The following NLRP1 variants were observed in gnomAD, a reference collection of about 807,000 sequenced individuals.
NLRP1 encodes NLR family pyrin domain containing 1.
In NLRP1, 94 loss-of-function variants were observed where a neutral mutation model predicts 136.7. The observed-to-expected ratio is 0.69, with a 90% CI of 0.58 to 0.82. The LOEUF is 0.82. NLRP1 is among the 40% of genes least tolerant of loss of function. The pLI, the probability that NLRP1 is intolerant of heterozygous loss-of-function variation, is 0.00. For missense variants in NLRP1, 1,575 were observed against 1,802.7 expected (o/e 0.87, Z 2.29); for synonymous variants, 690 against 725.1 (o/e 0.95, Z 0.78).
intron 14 of NLRP1, among the ~76,000 whole-genome samples, chr17:5,518,909 G>A (rs558705746): frequency 1.3e-4 from 19 of 150,470 alleles, no homozygotes; most frequent in Admixed American, 7.9e-4. Flanking sequence ...CACGATCTCG[G>A]CTCACTGCAA....
At chr17:5,542,194 T>C (rs1325738044) in intron 5 of NLRP1, among the ~76,000 whole-genome samples, 167 bp from the exon 6 acceptor site, 3 of 149,846 alleles carry the variant, frequency 2.0e-5, no homozygotes, top group Non-Finnish European at 2.9e-5. Flanking sequence ...GGGATAGACA[T>C]AGAAACACAT....
chr17:5,531,667 G>A (rs1267718572), intron 11 of NLRP1, among the ~76,000 whole-genome samples: 2 of 152,182 alleles, frequency 1.3e-5, no homozygotes, highest in Admixed American at 6.5e-5. Flanking sequence ...GAGTGACGCT[G>A]TCTCCTGGTT....
intron 3 of NLRP1, among the ~76,000 whole-genome samples, chr17:5,576,093 A>G (rs1331820377): frequency 6.6e-6 from 1 of 152,234 alleles, no homozygotes. Context: ...CAAAGACACA[A>G]CATACCAGAA....
At chr17:5,523,378 C>T (rs1016138574) in intron 12 of NLRP1, among the ~76,000 whole-genome samples, 1 of 152,150 alleles carries the variant, frequency 6.6e-6, no homozygotes, top group Non-Finnish European at 1.5e-5. Context: ...CAGTAGCTGT[C>T]TCCGTATTTT....
intron 12 of NLRP1, chr17:5,529,857 G>T: frequency 2.6e-6 from 1 of 384,436 alleles, no homozygotes; most frequent in Non-Finnish European, 5.1e-6. Flanking sequence ...GGTATCTGTC[G>T]TTTCTGCTGG....
downstream of NLRP1, chr17:5,512,386 C>A (rs752581497): frequency 9.2e-7 from 1 of 1,091,908 alleles, no homozygotes; most frequent in Non-Finnish European, 1.4e-6. Context: ...ACACTTGTAA[C>A]ATCTTCTAGT....
rs1487201547 is a variant in NLRP1 at position 5,559,801 on chromosome 17, T to A, written c.895A>T (p.Ser299Cys). Residue 299 changes from serine to cysteine, a missense_variant, in exon 4 of 17, where the codon AGC becomes TGC. Coordinates refer to ENST00000572272, the MANE Select transcript of NLRP1 (RefSeq NM_033004.4). ...TTCTCCTCCACATAATCAGGCCAGCTTCTCTTGACCAGGGGATCTTGGCTT... is the reference window on the plus strand; with the variant it reads ...TTCTCCTCCACATAATCAGGCCAGCATCTCTTGACCAGGGGATCTTGGCTT... ...PRSQDPLVKR[S>C]WPDYVEENRG... 1 of 1,614,152 alleles carries A rather than the reference T, an allele frequency of 6.2e-7. No individual in the cohort carries two copies. Among genetic ancestry groups the A allele is most frequent in the Non-Finnish European group, 8.5e-7 (1 of 1,180,056 alleles).
At chr17:5,521,048 T>A (rs1908834576) in intron 13 of NLRP1, 36 bp from the exon 14 acceptor site, 1 of 1,563,940 alleles carries the variant, frequency 6.4e-7, no homozygotes, top group Non-Finnish European at 8.7e-7. Context: ...AAGGGAGGCT[T>A]CTGCCCCGTG....
chr17:5,557,839 C>T (rs570437080), intron 4 of NLRP1, among the ~76,000 whole-genome samples: 1 of 152,222 alleles, frequency 6.6e-6, no homozygotes, highest in East Asian at 1.9e-4. Flanking sequence ...GTCAGTTTTG[C>T]AGGGAAAAAT....
chr17:5,517,038 G>A (rs1398330518), intron 15 of NLRP1, among the ~76,000 whole-genome samples: 5 of 152,180 alleles, frequency 3.3e-5, no homozygotes, highest in African/African-American at 7.2e-5. Context: ...CGATACAGGG[G>A]AGAGTATCTG....
At chr17:5,509,576 C>G (rs1174907241), downstream of NLRP1, among the ~76,000 whole-genome samples, 3 of 152,144 alleles carry the variant, frequency 2.0e-5, no homozygotes, top group African/African-American at 4.8e-5. Flanking sequence ...ATGATTCTTC[C>G]GTTTTTCTGA....
At chr17:5,544,986 G>A (rs1351414491) in intron 5 of NLRP1, among the ~76,000 whole-genome samples, 1 of 152,044 alleles carries the variant, frequency 6.6e-6, no homozygotes, top group Admixed American at 6.6e-5. Flanking sequence ...GGCTGAAGGT[G>A]GGGCCTGGTT....
intron 3 of NLRP1, among the ~76,000 whole-genome samples, chr17:5,566,256 T>C (rs1314110483): frequency 1.3e-5 from 2 of 152,066 alleles, no homozygotes; most frequent in African/African-American, 4.8e-5. Context: ...AGATGCATCA[T>C]TAGATTGTTT....
At chr17:5,560,089 G>A (rs1567662864) in intron 3 of NLRP1, 46 bp from the exon 4 acceptor site, 8 of 1,457,660 alleles carry the variant, frequency 5.5e-6, no homozygotes, top group Non-Finnish European at 7.3e-6. Context: ...GAGAATAGAA[G>A]AATTAATTAA....
intron 5 of NLRP1, among the ~76,000 whole-genome samples, chr17:5,547,345 A>G (rs1408552192): frequency 1.3e-5 from 2 of 152,220 alleles, no homozygotes; most frequent in Non-Finnish European, 2.9e-5. Context: ...TGTGCAACAG[A>G]CATGGTGAAT....
intron 3 of NLRP1, among the ~76,000 whole-genome samples, chr17:5,571,014 TG>T (rs1173430362): frequency 1.3e-5 from 2 of 152,130 alleles, no homozygotes; most frequent in Non-Finnish European, 2.9e-5. Flanking sequence ...AGCCCCCACA[TG>T]ATCATCTCAA....
chr17:5,563,283 T>C (rs777633750), intron 3 of NLRP1, among the ~76,000 whole-genome samples: 11 of 152,132 alleles, frequency 7.2e-5, no homozygotes, highest in Non-Finnish European at 1.2e-4. Context: ...CTGAAATGGC[T>C]GAAATGACAG....
intron 15 of NLRP1, among the ~76,000 whole-genome samples, chr17:5,506,325 C>T (rs1029005798): frequency 6.6e-6 from 1 of 151,000 alleles, no homozygotes; most frequent in African/African-American, 2.4e-5. Flanking sequence ...AATTCAGCAA[C>T]ATCATTCTTC....
chr17:5,563,330 T>C (rs35318808), intron 3 of NLRP1, among the ~76,000 whole-genome samples: 10,022 of 152,228 alleles, frequency 0.066, 426 homozygotes, highest in African/African-American at 0.11. Context: ...ATGAAGATCA[T>C]TGAGATTCAG....
Sources: allele counts gnomAD v4.1 joint callset (sites outside exome capture counted in the v4.1 genomes callset), GRCh38; gene constraint gnomAD v4.1.1; transcripts MANE v1.5; gene names NCBI Gene and HGNC (gene_info 2026-07-23, HGNC 2026-07-21).